CRYBB2: variants seen among roughly 807,000 people sequenced by gnomAD.
CRYBB2 encodes beta-crystallin B2.
CRYBB2 carries 12 observed loss-of-function variants against 24.3 expected under a neutral mutation model. The observed-to-expected ratio is 0.49, with a 90% CI of 0.32 to 0.80. CRYBB2 has a LOEUF of 0.80. CRYBB2 is among the 30% of genes least tolerant of loss of function. CRYBB2 has a pLI of 0.04. For missense variants in CRYBB2, 198 were observed against 268.5 expected, an observed-to-expected ratio of 0.74 and a Z score of 1.83; for synonymous variants, 98 against 101.6, an observed-to-expected ratio of 0.96 and a Z score of 0.21.
At chr22:25,218,797 A>AG (rs1491240185), upstream of CRYBB2, among the ~76,000 whole-genome samples, 2 of 115,686 alleles carry the variant, frequency 1.7e-5, no homozygotes, top group Non-Finnish European at 3.5e-5. Flanking sequence ...AAAGAAAGAA[A>AG]GAAAGAAAGA....
At chr22:25,227,085 A>G (rs1313907952) in intron 3 of CRYBB2, among the ~76,000 whole-genome samples, 1 of 152,180 alleles carries the variant, frequency 6.6e-6, no homozygotes, top group Non-Finnish European at 1.5e-5. Flanking sequence ...AATGACTTAG[A>G]TCATTCCTCT....
In CRYBB2 at chr22:25,231,767, A is replaced by T; in HGVS notation, c.613A>T (p.Asn205Tyr). The T allele has an allele frequency of 1.2e-6, 2 of 1,613,836 alleles. No individual in the cohort carries two copies. The highest frequency in any genetic ancestry group is 1.7e-6 in the Non-Finnish European group (2 of 1,179,930). ...CCAACGTGGTGCCTTCCACCCCTCC[A>T]ACTAGTGCCCTCCCCACCATGCCTC... is the stretch of plus-strand genomic sequence containing the variant. Reference protein sequence around the residue: ...WHQRGAFHPSN With the variant: ...WHQRGAFHPSY The change falls in exon 6 of 6, where the codon AAC becomes TAC. Residue 205 changes from asparagine to tyrosine, a missense_variant. Asn to Tyr is a moderately radical substitution (Grantham distance 143, BLOSUM62 -2). Coordinates refer to ENST00000398215, the MANE Select transcript of CRYBB2 (RefSeq NM_000496.3).
intron 3 of CRYBB2, among the ~76,000 whole-genome samples, 164 bp downstream of exon 3, chr22:25,225,200 G>T (rs972957251): frequency 6.6e-6 from 1 of 152,204 alleles, no homozygotes; most frequent in Non-Finnish European, 1.5e-5. Context: ...ATAGAGCTGG[G>T]TTCAAATCCA....
upstream of CRYBB2, among the ~76,000 whole-genome samples, chr22:25,217,651 G>T (rs111615381): frequency 6.6e-6 from 1 of 152,162 alleles, no homozygotes; most frequent in Admixed American, 6.5e-5. Flanking sequence ...CCTACTATGC[G>T]TCAGGCACTG....
intron 5 of CRYBB2, among the ~76,000 whole-genome samples, chr22:25,230,154 CTTTT>C (rs60217259): frequency 4.9e-5 from 7 of 143,924 alleles, no homozygotes; most frequent in South Asian, 2.3e-4. Flanking sequence ...CTTGTAAGAA[CTTTT>C]TTTTTTTTTT....
intron 2 of CRYBB2, among the ~76,000 whole-genome samples, chr22:25,223,935 T>A (rs9612894): frequency 0.26 from 39,860 of 151,732 alleles, 5,457 homozygotes; most frequent in Middle Eastern, 0.33. Flanking sequence ...CCTGGCTAAC[T>A]TGGTGAAACC....
At chr22:25,218,803 AAAGAAAG>A (rs1935259637), upstream of CRYBB2, among the ~76,000 whole-genome samples, 2 of 128,928 alleles carry the variant, frequency 1.6e-5, no homozygotes, top group African/African-American at 6.4e-5. Flanking sequence ...AGAAAGAAAG[AAAGAAAG>A]AAAGAAAGAA....
rs1935452615 is a variant in CRYBB2 at position 25,227,976 on chromosome 22, C to T, written c.297C>T (p.Pro99=). 9.9e-6 allele frequency: 16 copies of T among 1,614,072 alleles called. No homozygotes were observed. Among genetic ancestry groups the T allele is most frequent in the Non-Finnish European group, 1.4e-5 (16 of 1,180,000 alleles). Residue 99 remains proline (P), a synonymous_variant, in exon 4 of 6, where the codon CCC becomes CCT. Coordinates refer to ENST00000398215, the MANE Select transcript of CRYBB2 (RefSeq NM_000496.3). ...RRTDSLSSLR[P]IKVDSQEHKI... ...CGGACTCCCTCAGCTCCCTGAGGCC[C>T]ATCAAAGTGGTGAGCCCCCTGCCAT...
intron 2 of CRYBB2, 21 bp downstream of exon 2, chr22:25,221,504 G>A: frequency 6.3e-7 from 1 of 1,598,356 alleles, no homozygotes; most frequent in Non-Finnish European, 8.6e-7. Context: ...CTCAGAGGAG[G>A]GGGCATGCAA....
upstream of CRYBB2, among the ~76,000 whole-genome samples, chr22:25,215,415 C>G (rs1013549117): frequency 2.6e-5 from 4 of 152,216 alleles, no homozygotes; most frequent in Non-Finnish European, 2.9e-5. Flanking sequence ...AATCTATAAT[C>G]TATAGAAACA....
chr22:25,230,575 C>T (rs1186515836), intron 5 of CRYBB2, among the ~76,000 whole-genome samples: 1 of 150,258 alleles, frequency 6.7e-6, no homozygotes, highest in Non-Finnish European at 1.5e-5. Flanking sequence ...CTAATTAAGG[C>T]TCTTTCCCCA....
At chr22:25,219,367 C>CCAGTGAACCA (rs1935281913), upstream of CRYBB2, among the ~76,000 whole-genome samples, 4 of 152,318 alleles carry the variant, frequency 2.6e-5, no homozygotes, top group African/African-American at 9.6e-5. Context: ...GTGAACCCAG[C>CCAGTGAACCA]GTACCCCTGG....
chr22:25,221,579 C>A, intron 2 of CRYBB2, 96 bp downstream of exon 2: 1 of 835,742 alleles, frequency 1.2e-6, no homozygotes, highest in South Asian at 1.4e-5. Context: ...TCATGGGTAC[C>A]CCCTCTCGAC....
chr22:25,230,976 TG>T (rs1184594684), intron 5 of CRYBB2, among the ~76,000 whole-genome samples: 3 of 152,040 alleles, frequency 2.0e-5, no homozygotes, highest in Admixed American at 1.3e-4. Flanking sequence ...GTGGTGTGTG[TG>T]GGGGAGCCTG....
chr22:25,223,071 C>T (rs944590010), intron 2 of CRYBB2, among the ~76,000 whole-genome samples: 10 of 152,118 alleles, frequency 6.6e-5, no homozygotes, highest in South Asian at 2.1e-4. Context: ...TTAATAACAA[C>T]GCTATTGAGC....
chr22:25,223,958 A>G (rs1935367227), intron 2 of CRYBB2, among the ~76,000 whole-genome samples: 1 of 151,828 alleles, frequency 6.6e-6, no homozygotes, highest in Non-Finnish European at 1.5e-5. Context: ...ATCTCTACTA[A>G]AAAAATACAA....
chr22:25,231,572 C>A, intron 5 of CRYBB2, 32 bp from the exon 6 acceptor site: 1 of 1,609,752 alleles, frequency 6.2e-7, no homozygotes, highest in Non-Finnish European at 8.5e-7. Flanking sequence ...CTGTCCCCCT[C>A]GTTCACCCTC....
chr22:25,214,787 T>C (rs1000932501), upstream of CRYBB2, among the ~76,000 whole-genome samples: 10 of 152,338 alleles, frequency 6.6e-5, no homozygotes, highest in Admixed American at 6.5e-4. Flanking sequence ...TAGGCTAGGC[T>C]GAAGGTTTTG....
At chr22:25,219,525 G>T (rs1185838285), upstream of CRYBB2, 1 of 152,294 alleles carries the variant, frequency 6.6e-6, no homozygotes, top group Non-Finnish European at 1.5e-5. Flanking sequence ...GAGCTTTGGT[G>T]AGAGCTTAAT....
Sources: gnomAD v4.1 joint callset for allele counts (sites outside exome capture counted in the v4.1 genomes callset) on GRCh38, gnomAD v4.1.1 for gene constraint, MANE v1.5 for transcripts, NCBI Gene and HGNC (gene_info 2026-07-23, HGNC 2026-07-21) for gene names.